Variants in PATJ observed in about 807,000 individuals in gnomAD.
PATJ encodes the protein PATJ crumbs cell polarity complex component.
In PATJ, 190 loss-of-function variants were observed where a neutral mutation model predicts 224.9. That is an observed-to-expected ratio of 0.84 (90% CI 0.75 to 0.95). PATJ has a LOEUF of 0.95. Among genes scored for constraint, PATJ ranks in the 40% least tolerant of loss-of-function variants. The pLI is 0.00. For missense variants in PATJ, 2,121 were observed against 2,270.3 expected, an observed-to-expected ratio of 0.93 and a Z score of 1.34; for synonymous variants, 769 against 820.3, an observed-to-expected ratio of 0.94 and a Z score of 1.07.
intron 33 of PATJ, among the ~76,000 whole-genome samples, chr1:62,106,079 T>TATATACACACACAC (rs1313613418): frequency 4.8e-5 from 1 of 20,772 alleles, no homozygotes; most frequent in African/African-American, 1.5e-4. Flanking sequence ...TATATATATA[T>TATATACACACACAC]ACACACACAC....
chr1:62,133,262 T>C (rs889720839), intron 41 of PATJ, among the ~76,000 whole-genome samples: 1 of 152,032 alleles, frequency 6.6e-6, no homozygotes, highest in Non-Finnish European at 1.5e-5. Flanking sequence ...TTTTATTATG[T>C]ACACACAAAA....
intron 41 of PATJ, among the ~76,000 whole-genome samples, chr1:62,135,245 G>T (rs962031167): frequency 2.0e-5 from 3 of 152,216 alleles, no homozygotes; most frequent in South Asian, 2.1e-4. Context: ...GGCCAGGTGT[G>T]GTGGCTCACG....
intron 41 of PATJ, among the ~76,000 whole-genome samples, chr1:62,129,183 C>T (rs1033377124): frequency 6.6e-6 from 1 of 152,222 alleles, no homozygotes; most frequent in African/African-American, 2.4e-5. Flanking sequence ...CTCTGCTTCA[C>T]ATGATAAATC....
chr1:62,031,537 C>T (rs917104583), intron 29 of PATJ, among the ~76,000 whole-genome samples: 3 of 152,120 alleles, frequency 2.0e-5, no homozygotes, highest in African/African-American at 7.2e-5. Flanking sequence ...TGTATTTTTA[C>T]CCCAAGGAAA....
chr1:62,037,754 A>G (rs941857669), intron 29 of PATJ, among the ~76,000 whole-genome samples: 1 of 152,122 alleles, frequency 6.6e-6, no homozygotes, highest in African/African-American at 2.4e-5. Flanking sequence ...TTTGTCACTA[A>G]TAATTGCATC....
At chr1:61,773,975 C>G (rs1174279447) in intron 6 of PATJ, among the ~76,000 whole-genome samples, 4 of 151,700 alleles carry the variant, frequency 2.6e-5, no homozygotes. Context: ...AAAAAATTAG[C>G]CGGGCGTGGT....
chr1:62,108,492 G>C lies in PATJ; in HGVS notation c.4433G>C (p.Arg1478Thr). 6.2e-7 allele frequency: 1 copy of C among 1,609,530 alleles called. No homozygotes were observed. Among genetic ancestry groups the C allele is most frequent in the South Asian group, 1.1e-5 (1 of 90,604 alleles). The change falls in exon 34 of 44, where the codon AGA becomes ACA. Residue 1478 changes from arginine to threonine, a missense_variant. Transcript: ENST00000642238. ...YEEGAAARDG[R>T]LWAGDQILEV... ...GAAGGGGCAGCAGCCAGAGATGGAA[G>C]ACTTTGGGCTGGTGACCAGATATTA...
At chr1:61,759,910 A>C (rs1435426148) in intron 1 of PATJ, among the ~76,000 whole-genome samples, 1 of 152,142 alleles carries the variant, frequency 6.6e-6, no homozygotes, top group African/African-American at 2.4e-5. Flanking sequence ...TTTTCATGAC[A>C]TTTGGAGTAT....
chr1:61,971,015 T>C (rs529903207), intron 27 of PATJ, among the ~76,000 whole-genome samples: 1 of 152,304 alleles, frequency 6.6e-6, no homozygotes, highest in South Asian at 2.1e-4. Context: ...TTTAAGAAAA[T>C]TGCCAGCTCC....
rs1394225476 is a variant in PATJ at position 61,901,282 on chromosome 1, T to G, written c.3204T>G (p.Ile1068Met). 6.6e-7 allele frequency: 1 copy of G among 1,522,522 alleles called. No homozygotes were observed. The highest frequency in any genetic ancestry group is 1.4e-5 in the African/African-American group (1 of 69,186). 94.3% of individuals were successfully genotyped at this position (1,522,522 alleles called of 1,614,324 possible). A position where few individuals can be genotyped will look rare whatever the true frequency, so the allele number is the denominator to read the frequency against. ...AGTTTTGTTTTTTTCCTTTATATAG[T>G]GTTGAGATTTTTAGAGAACCCAATG... ...PNFSHWGPPR[I>M]VEIFREPNVS... Residue 1068 changes from isoleucine (I) to methionine (M), a missense_variant and splice_region_variant, in exon 24 of 44, where the codon ATT becomes ATG. Coordinates refer to ENST00000642238, the MANE Select transcript of PATJ (RefSeq NM_001350145.3).
intron 37 of PATJ, among the ~76,000 whole-genome samples, chr1:62,118,146 C>G (rs1440647798): frequency 6.6e-6 from 1 of 151,520 alleles, no homozygotes; most frequent in South Asian, 2.1e-4. Context: ...CTTAGGGAAT[C>G]TTCAAAGCAG....
intron 28 of PATJ, among the ~76,000 whole-genome samples, chr1:61,990,684 T>G (rs938645602): frequency 2.0e-5 from 3 of 152,176 alleles, no homozygotes; most frequent in African/African-American, 7.2e-5. Flanking sequence ...TTGATAGTAT[T>G]TATCAAAATT....
At chr1:61,878,107 T>G (rs1184468278) in intron 21 of PATJ, among the ~76,000 whole-genome samples, 1 of 152,168 alleles carries the variant, frequency 6.6e-6, no homozygotes, top group Non-Finnish European at 1.5e-5. Context: ...TGCAACTTAG[T>G]GGTGTAGTTT....
At chr1:62,064,543 G>C (rs764707104) in intron 31 of PATJ, among the ~76,000 whole-genome samples, 3 of 152,254 alleles carry the variant, frequency 2.0e-5, no homozygotes, top group Admixed American at 2.0e-4. Flanking sequence ...TGTTGGCCAG[G>C]CTGGTCTCGA....
At chr1:61,840,552 C>G (rs1197303471) in intron 17 of PATJ, among the ~76,000 whole-genome samples, 1 of 151,832 alleles carries the variant, frequency 6.6e-6, no homozygotes, top group Non-Finnish European at 1.5e-5. Flanking sequence ...TTTAAAGGCT[C>G]TGTATTTTTT....
chr1:61,869,817 G>A (rs969422841), intron 20 of PATJ, among the ~76,000 whole-genome samples: 24 of 152,192 alleles, frequency 1.6e-4, no homozygotes, highest in Admixed American at 2.6e-4. Flanking sequence ...GACCTGCAGC[G>A]TTCACCCCTC....
chr1:62,153,242 C>T, intron 42 of PATJ, 116 bp from the exon 43 acceptor site: 1 of 781,130 alleles, frequency 1.3e-6, no homozygotes, highest in Non-Finnish European at 1.7e-6. Context: ...ATCTGATAAA[C>T]CAAACTTCAT....
At chr1:62,084,023 G>A (rs1659619089) in intron 32 of PATJ, among the ~76,000 whole-genome samples, 1 of 152,210 alleles carries the variant, frequency 6.6e-6, no homozygotes, top group Non-Finnish European at 1.5e-5. Context: ...GGAGGCCAAG[G>A]CGGGCGGATC....
At chr1:61,993,472 G>C (rs1645179866) in intron 28 of PATJ, among the ~76,000 whole-genome samples, 1 of 152,112 alleles carries the variant, frequency 6.6e-6, no homozygotes, top group African/African-American at 2.4e-5. Flanking sequence ...CATTCTCCCT[G>C]AGGGTCGGAA....
Sources: allele counts gnomAD v4.1 joint callset (sites outside exome capture counted in the v4.1 genomes callset), GRCh38; gene constraint gnomAD v4.1.1; transcripts MANE v1.5; gene names NCBI Gene and HGNC (gene_info 2026-07-23, HGNC 2026-07-21).